MYB: variants seen among roughly 807,000 people sequenced by gnomAD.
The protein encoded by MYB is transcriptional activator Myb.
MYB carries 28 observed loss-of-function variants against 92.9 expected under a neutral mutation model. That is an observed-to-expected ratio of 0.30 (90% CI 0.22 to 0.41). The LOEUF (loss-of-function observed/expected upper bound fraction) is 0.41. Ranked by LOEUF, MYB falls within the 10% of genes least tolerant of loss-of-function variation. The pLI, the probability that MYB is intolerant of heterozygous loss-of-function variation, is 1.00. For missense variants in MYB, 679 were observed against 929.3 expected, an observed-to-expected ratio of 0.73 and a Z score of 3.50; for synonymous variants, 295 against 329.1, an observed-to-expected ratio of 0.90 and a Z score of 1.12.
intron 9 of MYB, 146 bp downstream of exon 9, chr6:135,196,148 A>G (rs916003419): frequency 1.0e-5 from 9 of 883,590 alleles, no homozygotes; most frequent in East Asian, 2.7e-5. Flanking sequence ...CTTCATGAAT[A>G]TGTTTTTTCA....
chr6:135,207,965 G>T (rs1779177259), intron 15 of MYB, among the ~76,000 whole-genome samples: 2 of 151,868 alleles, frequency 1.3e-5, no homozygotes, highest in African/African-American at 4.8e-5. Flanking sequence ...GACCTCAAGT[G>T]ATCCACCTGC....
At chr6:135,217,532 G>T (rs867397008) in intron 15 of MYB, among the ~76,000 whole-genome samples, 1 of 152,162 alleles carries the variant, frequency 6.6e-6, no homozygotes, top group African/African-American at 2.4e-5. Flanking sequence ...TGAGTAGATG[G>T]CCATAGCTCA....
chr6:135,198,894 C>T lies in MYB; in HGVS notation c.1567-14C>T, dbSNP rs968298319. 4.4e-6 allele frequency: 7 copies of T among 1,574,292 alleles called. No individual in the cohort carries two copies. The highest frequency in any genetic ancestry group is 3.4e-4 in the Middle Eastern group (2 of 5,898). The stretch of plus-strand genomic sequence containing the variant: ...CATCTAATCTAAGTATTTTTTCTTT[C>T]TCTCCATATTTAGTTCTTAAACACT... On this transcript the variant is annotated splice_polypyrimidine_tract_variant and intron_variant, in intron 10 of 15. Coordinates refer to ENST00000341911, the MANE Select transcript of MYB (RefSeq NM_001130173.2).
chr6:135,213,342 A>C (rs1780003126), intron 15 of MYB, among the ~76,000 whole-genome samples: 1 of 152,210 alleles, frequency 6.6e-6, no homozygotes, highest in Admixed American at 6.5e-5. Context: ...CTATTTGGAA[A>C]GGTCTCTCAG....
chr6:135,216,326 T>C (rs1294657947), intron 15 of MYB, among the ~76,000 whole-genome samples: 3 of 152,236 alleles, frequency 2.0e-5, no homozygotes, highest in Non-Finnish European at 2.9e-5. Context: ...TATAATTTTT[T>C]TTATTATTTG....
rs1375310773 is a variant in MYB, at chr6:135,186,106, C to T, written c.141+86C>T. On this transcript the variant is annotated intron_variant, in intron 2 of 15. Transcript: ENST00000341911. Reference sequence around the variant, plus strand: ...AAATTTCAACTAAACTACAGGTGCTCAAGCTCATTAGCAGGCTCCTTGAGA... The same window carrying T: ...AAATTTCAACTAAACTACAGGTGCTTAAGCTCATTAGCAGGCTCCTTGAGA... 3.6e-6 allele frequency: 4 copies of T among 1,106,656 alleles called. No homozygotes were observed. In the African/African-American group the frequency reaches 4.7e-5, roughly 13 times the overall value. 68.6% of individuals were successfully genotyped at this position (1,106,656 alleles called of 1,614,324 possible). A position where few individuals can be genotyped will look rare whatever the true frequency, so the allele number is the denominator to read the frequency against.
chr6:135,216,327 T>A (rs1324318359), intron 15 of MYB, among the ~76,000 whole-genome samples: 1 of 152,226 alleles, frequency 6.6e-6, no homozygotes, highest in East Asian at 1.9e-4. Flanking sequence ...ATAATTTTTT[T>A]TATTATTTGT....
rs1370793980 is a variant in MYB, at chr6:135,195,909, G to T, written c.1110G>T (p.Ser370=). 1.2e-6 allele frequency: 2 copies of T among 1,613,992 alleles called. No individual in the cohort carries two copies. Among genetic ancestry groups the T allele is most frequent in the South Asian group, 2.2e-5 (2 of 91,084 alleles). The stretch of plus-strand genomic sequence containing the variant: ...GCTCCCTACCTGAAGAAAGCGCCTC[G>T]CCAGCAAGGTGCATGATCGTCCACC... ...DPGSLPEESA[S]PARCMIVHQG... The change falls in exon 9 of 16, where the codon TCG becomes TCT. Residue 370 remains serine (S), a synonymous_variant. Coordinates refer to ENST00000341911, the MANE Select transcript of MYB (RefSeq NM_001130173.2).
At chr6:135,209,941 T>C (rs749170118) in intron 15 of MYB, among the ~76,000 whole-genome samples, 5 of 152,118 alleles carry the variant, frequency 3.3e-5, no homozygotes, top group South Asian at 2.1e-4. Context: ...AATGAGGAAG[T>C]AGAGAAAACA....
intron 9 of MYB, 116 bp downstream of exon 9, chr6:135,196,118 G>A: frequency 9.3e-7 from 1 of 1,069,966 alleles, no homozygotes; most frequent in Non-Finnish European, 1.3e-6. Flanking sequence ...TTAATGTAAA[G>A]GTAGAAGTAT....
intron 13 of MYB, 146 bp downstream of exon 13, chr6:135,200,561 C>A: frequency 1.7e-6 from 2 of 1,164,872 alleles, no homozygotes; most frequent in Non-Finnish European, 2.5e-6. Context: ...CGAAAAGGTA[C>A]TGCCAGACTG....
At chr6:135,188,021 G>A in intron 3 of MYB, 116 bp downstream of exon 3, 1 of 528,958 alleles carries the variant, frequency 1.9e-6, no homozygotes, top group Non-Finnish European at 3.2e-6. Flanking sequence ...TAAGAAGTGG[G>A]AGAAATGCCC....
intron 14 of MYB, among the ~76,000 whole-genome samples, chr6:135,202,231 T>C (rs1401220475): frequency 1.3e-5 from 2 of 152,222 alleles, no homozygotes; most frequent in South Asian, 2.1e-4. Flanking sequence ...TCCTTATGTC[T>C]TAAGGAAAAT....
chr6:135,212,344 T>C (rs1779862178), intron 15 of MYB, among the ~76,000 whole-genome samples: 2 of 149,892 alleles, frequency 1.3e-5, no homozygotes, highest in African/African-American at 4.9e-5. Context: ...CTGGGTGAAG[T>C]TGCTGTATGA....
At chr6:135,209,099 C>T (rs543264809) in intron 15 of MYB, among the ~76,000 whole-genome samples, 3 of 152,266 alleles carry the variant, frequency 2.0e-5, no homozygotes, top group Non-Finnish European at 4.4e-5. Context: ...AGCCACATTT[C>T]CTTACTCTCT....
rs1243094134 is a variant in MYB, at chr6:135,190,571, T to G, written c.527+224T>G. 6.6e-6 allele frequency among the ~76,000 whole-genome samples: 1 copy of G among 152,182 alleles called. No individual in the cohort carries two copies. The highest frequency in any genetic ancestry group is 1.5e-5 in the Non-Finnish European group (1 of 68,028). On this transcript the variant is annotated intron_variant, in intron 5 of 15. Transcript: ENST00000341911. The surrounding 1 kb of genome is among the most constrained non-coding windows in gnomAD (Gnocchi z 4.5). The stretch of plus-strand genomic sequence containing the variant: ...TGAGCCCTGGGTGAAGACATTTAGC[T>G]TTCCCCAGCCTCAATTTCCCCATTT...
At chr6:135,215,613 C>T (rs552070544) in intron 15 of MYB, among the ~76,000 whole-genome samples, 2 of 152,262 alleles carry the variant, frequency 1.3e-5, no homozygotes, top group African/African-American at 4.8e-5. Flanking sequence ...ATAGTGAGGG[C>T]TTGTTTTATG....
intron 6 of MYB, among the ~76,000 whole-genome samples, chr6:135,193,085 T>G (rs2128293113): frequency 6.6e-6 from 1 of 152,354 alleles, no homozygotes; most frequent in South Asian, 2.1e-4. Flanking sequence ...ACCTTCTTAC[T>G]CTGAGTCAGG....
intron 15 of MYB, among the ~76,000 whole-genome samples, chr6:135,209,669 T>C (rs575195080): frequency 2.6e-5 from 4 of 152,362 alleles, no homozygotes; most frequent in African/African-American, 9.6e-5. Flanking sequence ...CTTAGTCTTT[T>C]TCCAAAAGGA....
Sources: allele counts gnomAD v4.1 joint callset (sites outside exome capture counted in the v4.1 genomes callset), GRCh38; gene constraint gnomAD v4.1.1; non-coding constraint Gnocchi (gnomAD v3.1); transcripts MANE v1.5; gene names NCBI Gene and HGNC (gene_info 2026-07-23, HGNC 2026-07-21).